Variants in NTM observed in about 807,000 individuals in gnomAD.
The protein encoded by NTM is neurotrimin, also known as IgLON family member 2.
Under a neutral mutation model 42.1 loss-of-function variants are expected in NTM, and 13 were observed. The observed-to-expected ratio is 0.31, with a 90% CI of 0.20 to 0.49. The LOEUF (loss-of-function observed/expected upper bound fraction) is 0.49, where lower values mean the gene tolerates loss of function less well. Ranked by LOEUF, NTM falls within the 20% of genes least tolerant of loss-of-function variation. NTM has a pLI of 0.99. For synonymous variants in NTM, 187 were observed against 179.2 expected, an observed-to-expected ratio of 1.04 and a Z score of -0.35; for missense variants, 373 against 452.8, an observed-to-expected ratio of 0.82 and a Z score of 1.60.
chr11:131,961,735 A>G (rs1460307070), intron 2 of NTM, among the ~76,000 whole-genome samples: 2 of 152,168 alleles, frequency 1.3e-5, no homozygotes, highest in Non-Finnish European at 2.9e-5. Flanking sequence ...GAGGGGGTCA[A>G]AAGTCAGACT....
At chr11:132,101,555 C>CA (rs59352503) in intron 2 of NTM, among the ~76,000 whole-genome samples, 4,123 of 150,358 alleles carry the variant, frequency 0.027, 131 homozygotes, top group African/African-American at 0.08. Context: ...GGAACACAAC[C>CA]TTGTGTGTGT....
chr11:132,200,873 T>C (rs914308797), intron 3 of NTM, among the ~76,000 whole-genome samples: 1 of 152,112 alleles, frequency 6.6e-6, no homozygotes, highest in Non-Finnish European at 1.5e-5. Flanking sequence ...TGGCTCAGAG[T>C]CTAAGAGGTT....
rs146511698 is a variant in NTM, at chr11:132,177,410, A to G, written c.400+30896A>G. Among the ~76,000 whole-genome samples the G allele has an allele frequency of 1.8e-3, 273 of 152,318 alleles. 1 individual carries two copies. The highest frequency in any genetic ancestry group is 3.4e-3 in the Middle Eastern group (1 of 292). On this transcript the variant is annotated intron_variant, in intron 3 of 8. Transcript: ENST00000683400. ...CACAGTATGATCCAATAGCTTTAACATTCCAACTGATGGGTACTGGAATGT... is the reference window on the plus strand; with the variant it reads ...CACAGTATGATCCAATAGCTTTAACGTTCCAACTGATGGGTACTGGAATGT...
At chr11:131,620,725 C>G (rs764045753) in intron 1 of NTM, among the ~76,000 whole-genome samples, 19 of 152,194 alleles carry the variant, frequency 1.2e-4, no homozygotes, top group African/African-American at 2.9e-4. Context: ...GTGGGTCCAC[C>G]ACCTGCAGGC....
At chr11:131,599,734 C>A (rs1035945395) in intron 1 of NTM, among the ~76,000 whole-genome samples, 10 of 152,134 alleles carry the variant, frequency 6.6e-5, no homozygotes, top group African/African-American at 2.4e-4. Flanking sequence ...GGACAGGGCA[C>A]CCCAGAAGCA....
chr11:131,372,457 T>C (rs758539359), intron 1 of NTM, among the ~76,000 whole-genome samples: 1 of 152,026 alleles, frequency 6.6e-6, no homozygotes, highest in Non-Finnish European at 1.5e-5. Flanking sequence ...TGTGTGTGTG[T>C]GCGTGCGTGT....
At chr11:132,264,957 C>G (rs768969910) in intron 4 of NTM, among the ~76,000 whole-genome samples, 1 of 152,194 alleles carries the variant, frequency 6.6e-6, no homozygotes, top group Non-Finnish European at 1.5e-5. Flanking sequence ...ATGACCTTAT[C>G]TAATCCTAAT....
chr11:131,937,841 C>T (rs569325372), intron 2 of NTM, among the ~76,000 whole-genome samples: 2 of 152,268 alleles, frequency 1.3e-5, no homozygotes, highest in African/African-American at 4.8e-5. Flanking sequence ...AGGGCATGTT[C>T]AGCAAAGTGT....
rs77465408 is a variant in NTM at position 131,541,296 on chromosome 11, C to T, written c.82+170408C>T. Reference sequence around the variant, plus strand: ...AACCCAGCACTAACTGATGAAATTACGGAGGCTGTTAAACATCACCAAAGA... The same window carrying T: ...AACCCAGCACTAACTGATGAAATTATGGAGGCTGTTAAACATCACCAAAGA... On this transcript the variant is annotated intron_variant, in intron 1 of 8. Transcript: ENST00000683400. Among the ~76,000 whole-genome samples, 20 of 152,288 alleles carry T rather than the reference C, an allele frequency of 1.3e-4. No individual in the cohort carries two copies. The East Asian group carries it at 2.7e-3, about 21-fold the overall frequency.
At chr11:132,056,318 C>T (rs533673768) in intron 2 of NTM, among the ~76,000 whole-genome samples, 3 of 152,168 alleles carry the variant, frequency 2.0e-5, no homozygotes, top group South Asian at 2.1e-4. Context: ...AGTTCCTACA[C>T]GTCATCCCCT....
intron 1 of NTM, among the ~76,000 whole-genome samples, chr11:131,608,044 C>T (rs1270057005): frequency 6.6e-6 from 1 of 152,122 alleles, no homozygotes; most frequent in Non-Finnish European, 1.5e-5. Flanking sequence ...CTAATGCTAT[C>T]CCTCCCCCAA....
intron 2 of NTM, among the ~76,000 whole-genome samples, chr11:132,127,224 C>T (rs1272613344): frequency 2.6e-5 from 4 of 152,100 alleles, no homozygotes; most frequent in African/African-American, 9.7e-5. Flanking sequence ...GGCAGGCTTC[C>T]CAGGAAAGTC....
chr11:131,501,586 C>T (rs1247868391), intron 1 of NTM, among the ~76,000 whole-genome samples: 1 of 152,124 alleles, frequency 6.6e-6, no homozygotes, highest in Non-Finnish European at 1.5e-5. Flanking sequence ...TTCAAAAGGT[C>T]AGGCTGGCTG....
chr11:132,156,662 A>G (rs900995745), intron 3 of NTM, among the ~76,000 whole-genome samples: 1 of 151,462 alleles, frequency 6.6e-6, no homozygotes, highest in Admixed American at 6.6e-5. Flanking sequence ...TTTTTATTGT[A>G]TTATAATTAT....
intron 1 of NTM, among the ~76,000 whole-genome samples, chr11:131,440,289 A>G (rs2135970281): frequency 6.6e-6 from 1 of 151,904 alleles, no homozygotes; most frequent in South Asian, 2.1e-4. Context: ...GGTGCTAAAA[A>G]GCCCTTTGGA....
chr11:132,291,195 C>T (rs2094441781), intron 4 of NTM, among the ~76,000 whole-genome samples: 1 of 152,118 alleles, frequency 6.6e-6, no homozygotes. Flanking sequence ...CAGACCCCTC[C>T]AGTTGTCCCT....
intron 1 of NTM, among the ~76,000 whole-genome samples, chr11:131,598,699 CTT>C (rs759806583): frequency 3.1e-5 from 2 of 63,708 alleles, no homozygotes; most frequent in African/African-American, 9.5e-5. Context: ...TTCTTTCTTT[CTT>C]TCTTTCTTTC....
At chr11:131,530,471 T>C (rs1398180789) in intron 1 of NTM, among the ~76,000 whole-genome samples, 1 of 148,804 alleles carries the variant, frequency 6.7e-6, no homozygotes, top group Non-Finnish European at 1.5e-5. Context: ...ACTGGGGGAC[T>C]TGAAAGCTTA....
chr11:131,665,418 C>G (rs1318137879), intron 1 of NTM, among the ~76,000 whole-genome samples: 1 of 152,108 alleles, frequency 6.6e-6, no homozygotes, highest in African/African-American at 2.4e-5. Context: ...GTCCTGACCT[C>G]CAGTAATTCA....
Sources: gnomAD v4.1 joint callset for allele counts (sites outside exome capture counted in the v4.1 genomes callset) on GRCh38, gnomAD v4.1.1 for gene constraint, MANE v1.5 for transcripts, NCBI Gene and HGNC (gene_info 2026-07-23, HGNC 2026-07-21) for gene names.